Variants in FNDC3B observed in about 807,000 individuals in gnomAD.
The protein encoded by FNDC3B is fibronectin type III domain-containing protein 3B.
Under a neutral mutation model 151.5 loss-of-function variants are expected in FNDC3B, and 12 were observed. That is an observed-to-expected ratio of 0.08 (90% CI 0.05 to 0.13). The LOEUF is 0.13. Ranked by LOEUF, FNDC3B falls within the 10% of genes least tolerant of loss-of-function variation. The probability of loss-of-function intolerance (pLI) is 1.00; values close to 1 mark genes in which losing one functional copy is unlikely to be tolerated. For missense variants in FNDC3B, 1,214 were observed against 1,505.3 expected (o/e 0.81, Z 3.20); for synonymous variants, 528 against 549.0 (o/e 0.96, Z 0.54).
intron 1 of FNDC3B, among the ~76,000 whole-genome samples, chr3:172,087,102 A>G (rs1718586673): frequency 6.6e-6 from 1 of 152,212 alleles, no homozygotes; most frequent in African/African-American, 2.4e-5. Flanking sequence ...GTAGAATCCA[A>G]ACGGAATGAG....
rs1249786239 is a variant in FNDC3B at position 172,063,448 on chromosome 3, C to T, written c.-29+23677C>T. Among the ~76,000 whole-genome samples, 3 of 152,208 alleles carry T rather than the reference C, an allele frequency of 2.0e-5. No homozygotes were observed. In the East Asian group the frequency reaches 5.8e-4, roughly 29 times the overall value. ...AGGATAATTCTGTCAACGTTTACTT[C>T]TCTTCCCCTTCTAGCCCCAAAGACT... On this transcript the variant is annotated intron_variant, in intron 1 of 25. Coordinates refer to ENST00000415807, the MANE Select transcript of FNDC3B (RefSeq NM_022763.4).
chr3:172,392,531 G>A lies in FNDC3B; in HGVS notation c.3304-4633G>A, dbSNP rs529895665. Among the ~76,000 whole-genome samples the A allele has an allele frequency of 5.3e-5, 8 of 151,992 alleles. No homozygotes were observed. The South Asian group carries it at 1.7e-3, about 32-fold the overall frequency. The stretch of plus-strand genomic sequence containing the variant: ...TTCCAGACCATAAGATCCTTTTTTT[G>A]TCTTTCAACTTGGAGCCAACACTAA... On this transcript the variant is annotated intron_variant, in intron 25 of 25. Coordinates refer to ENST00000415807, the MANE Select transcript of FNDC3B (RefSeq NM_022763.4).
At chr3:172,145,677 C>T (rs927241073) in intron 3 of FNDC3B, among the ~76,000 whole-genome samples, 1 of 152,162 alleles carries the variant, frequency 6.6e-6, no homozygotes, top group African/African-American at 2.4e-5. Flanking sequence ...TTCATTGGGA[C>T]GTAACTCGGT....
chr3:172,245,153 C>T (rs1434865435), intron 4 of FNDC3B, among the ~76,000 whole-genome samples: 1 of 152,058 alleles, frequency 6.6e-6, no homozygotes, highest in Non-Finnish European at 1.5e-5. Flanking sequence ...AAAGTTAGTG[C>T]TTTTTGATAA....
At chr3:172,191,833 T>G (rs937636339) in intron 3 of FNDC3B, among the ~76,000 whole-genome samples, 3 of 151,860 alleles carry the variant, frequency 2.0e-5, no homozygotes, top group African/African-American at 7.3e-5. Context: ...GAAAATGAGG[T>G]TTTGACTCTT....
chr3:172,130,845 A>G (rs1191181536), intron 2 of FNDC3B, among the ~76,000 whole-genome samples: 1 of 152,162 alleles, frequency 6.6e-6, no homozygotes, highest in Non-Finnish European at 1.5e-5. Context: ...CTTGGCATCC[A>G]TTGGTTCCCC....
Position 172,214,565 on chromosome 3 carries a change from A to AT in FNDC3B, c.188-12297dup, listed in dbSNP as rs1192494277. Among the ~76,000 whole-genome samples the AT allele has an allele frequency of 2.8e-3, 411 of 146,616 alleles. 1 individual carries two copies. The highest frequency in any genetic ancestry group is 3.5e-3 in the Middle Eastern group (1 of 286). On this transcript the variant is annotated intron_variant, in intron 3 of 25. Transcript: ENST00000415807. ...CTCTGTTTTATGGAATATTTGGTTC[A>AT]TTTTTTTTTCCATTGAGCAGCCTTC... is the stretch of plus-strand genomic sequence containing the variant.
rs911254282 is a variant in FNDC3B, at chr3:172,112,337, A to C, written c.-28-115A>C. ...CTGACATAATAATACAGGGCTCTCA[A>C]ATTAGAATAACTTGGGTTTCACGAT... On this transcript the variant is annotated intron_variant, in intron 1 of 25. Transcript: ENST00000415807. The C allele has an allele frequency of 4.5e-6, 3 of 673,246 alleles. No homozygotes were observed. The African/African-American group carries it at 5.3e-5, about 12-fold the overall frequency. The allele number at this position is 673,246 out of a possible 1,614,324, so 41.7% of individuals were successfully genotyped here.
At chr3:172,062,311 C>T (rs1367559293) in intron 1 of FNDC3B, among the ~76,000 whole-genome samples, 1 of 151,800 alleles carries the variant, frequency 6.6e-6, no homozygotes, top group Non-Finnish European at 1.5e-5. Flanking sequence ...CTTTTCTCCT[C>T]CTTCTTTTTT....
intron 1 of FNDC3B, among the ~76,000 whole-genome samples, chr3:172,078,378 C>G (rs1718125979): frequency 6.6e-6 from 1 of 152,096 alleles, no homozygotes; most frequent in Non-Finnish European, 1.5e-5. Flanking sequence ...TAAAATGAAC[C>G]CTTCCCTCAA....
At chr3:172,090,937 A>G (rs1718793320) in intron 1 of FNDC3B, among the ~76,000 whole-genome samples, 1 of 152,232 alleles carries the variant, frequency 6.6e-6, no homozygotes, top group African/African-American at 2.4e-5. Flanking sequence ...TCCCCAAGAT[A>G]CCTGTATATG....
Position 172,298,750 on chromosome 3 carries a change from C to T in FNDC3B, c.1024C>T (p.Leu342=), listed in dbSNP as rs780507528. The change falls in exon 9 of 26, where the codon CTG becomes TTG. Residue 342 remains leucine, a synonymous_variant. Coordinates refer to ENST00000415807, the MANE Select transcript of FNDC3B (RefSeq NM_022763.4). ...CAGTGGAGAAGAATTAGAATGTAAC[C>T]TGAAAGATCTTAGACCAGCAACAGA... is the stretch of plus-strand genomic sequence containing the variant. ...IYSGEELECN[L]KDLRPATDYH... is the part of the protein sequence containing the mutation. 6.2e-7 allele frequency: 1 copy of T among 1,607,420 alleles called. No individual in the cohort carries two copies. The highest frequency in any genetic ancestry group is 8.5e-7 in the Non-Finnish European group (1 of 1,177,112).
At chr3:172,185,719 G>C (rs1231291932) in intron 3 of FNDC3B, among the ~76,000 whole-genome samples, 1 of 152,174 alleles carries the variant, frequency 6.6e-6, no homozygotes, top group East Asian at 1.9e-4. Context: ...CAGAAAACAG[G>C]CCAATGGAAT....
chr3:172,179,449 A>T (rs1723770809), intron 3 of FNDC3B, among the ~76,000 whole-genome samples: 1 of 152,172 alleles, frequency 6.6e-6, no homozygotes, highest in Non-Finnish European at 1.5e-5. Flanking sequence ...GCAAAACATT[A>T]ATTTTGTATG....
chr3:172,076,721 A>G (rs16856870), intron 1 of FNDC3B, among the ~76,000 whole-genome samples: 8,761 of 152,264 alleles, frequency 0.058, 407 homozygotes, highest in East Asian at 0.2. Flanking sequence ...AGGAAGATTG[A>G]AAGTTTCCAT....
chr3:172,098,242 T>C (rs1417596166), intron 1 of FNDC3B, among the ~76,000 whole-genome samples: 1 of 152,176 alleles, frequency 6.6e-6, no homozygotes, highest in Non-Finnish European at 1.5e-5. Flanking sequence ...AGCCAAACCC[T>C]GAGGCTAGTA....
intron 1 of FNDC3B, among the ~76,000 whole-genome samples, chr3:172,044,897 G>T (rs1466947987): frequency 6.6e-6 from 1 of 152,210 alleles, no homozygotes; most frequent in Non-Finnish European, 1.5e-5. Flanking sequence ...CTGAGCATCA[G>T]TTTGAAATCA....
rs1733893272 is a variant in FNDC3B, at chr3:172,352,300, G to A, written c.2515-503G>A. Among the ~76,000 whole-genome samples, 1 of 152,202 alleles carries A rather than the reference G, an allele frequency of 6.6e-6. No individual in the cohort carries two copies. The highest frequency in any genetic ancestry group is 1.5e-5 in the Non-Finnish European group (1 of 68,044). ...CGCTGACGATTGACTTCAGGGATGAGTTTATTATTCATGTGGAAGATAGAA... is the reference window on the plus strand; with the variant it reads ...CGCTGACGATTGACTTCAGGGATGAATTTATTATTCATGTGGAAGATAGAA... On this transcript the variant is annotated intron_variant, in intron 21 of 25. Transcript: ENST00000415807. This position sits in a 1 kb window ranked among gnomAD's most constrained non-coding sequence, Gnocchi z 4.2.
chr3:172,365,867 A>G (rs146987748), intron 23 of FNDC3B, among the ~76,000 whole-genome samples: 1,954 of 152,320 alleles, frequency 0.013, 19 homozygotes, highest in Non-Finnish European at 0.021. Context: ...TAATTATCAT[A>G]TTAAAGAGTT....
Sources: gnomAD v4.1 joint callset for allele counts (sites outside exome capture counted in the v4.1 genomes callset) on GRCh38, gnomAD v4.1.1 for gene constraint, Gnocchi (gnomAD v3.1) non-coding constraint, MANE v1.5 for transcripts, NCBI Gene and HGNC (gene_info 2026-07-23, HGNC 2026-07-21) for gene names.